The following GLCE variants were observed in gnomAD, a reference collection of about 807,000 sequenced individuals.
GLCE encodes the protein glucuronic acid epimerase, also known as D-glucuronyl C5-epimerase.
A neutral mutation model predicts 47.9 loss-of-function variants in GLCE; 19 were observed. That is an observed-to-expected ratio of 0.40 (90% CI 0.28 to 0.58). The LOEUF is 0.58. Ranked by LOEUF, GLCE falls within the 20% of genes least tolerant of loss-of-function variation. GLCE has a pLI of 0.48. For synonymous variants in GLCE, 245 were observed against 263.4 expected (o/e 0.93, Z 0.68); for missense variants, 556 against 743.3 (o/e 0.75, Z 2.93).
chr15:69,241,751 T>C (rs1391981488), intron 2 of GLCE, among the ~76,000 whole-genome samples: 2 of 152,222 alleles, frequency 1.3e-5, no homozygotes, highest in South Asian at 4.1e-4. Context: ...CTAGATTTAG[T>C]AAATCAGAAA....
intron 2 of GLCE, among the ~76,000 whole-genome samples, chr15:69,237,166 A>G (rs893939789): frequency 6.6e-6 from 1 of 152,190 alleles, no homozygotes; most frequent in African/African-American, 2.4e-5. Flanking sequence ...TTATTCTACC[A>G]GATTATCCTT....
intron 2 of GLCE, among the ~76,000 whole-genome samples, chr15:69,215,596 C>A (rs1443534611): frequency 6.6e-6 from 1 of 151,600 alleles, no homozygotes; most frequent in Non-Finnish European, 1.5e-5. Flanking sequence ...GTTTTCATTT[C>A]ACTTGAGTGA....
intron 2 of GLCE, among the ~76,000 whole-genome samples, chr15:69,231,018 C>T (rs2052513950): frequency 6.6e-6 from 1 of 152,092 alleles, no homozygotes; most frequent in South Asian, 2.1e-4. Context: ...TCTGTGTAAT[C>T]CATCAAGTAG....
intron 2 of GLCE, among the ~76,000 whole-genome samples, chr15:69,223,602 A>G (rs191231306): frequency 1.3e-5 from 2 of 152,204 alleles, no homozygotes; most frequent in Admixed American, 1.3e-4. Context: ...TGGGATGTTT[A>G]TACTCGTGTC....
intron 1 of GLCE, chr15:69,197,147 C>A: frequency 2.6e-6 from 1 of 384,750 alleles, no homozygotes; most frequent in Non-Finnish European, 5.2e-6. Flanking sequence ...AGTCCTTCGG[C>A]ACAACAATGC....
intron 1 of GLCE, among the ~76,000 whole-genome samples, chr15:69,169,646 T>C (rs2140327596): frequency 6.6e-6 from 1 of 151,742 alleles, no homozygotes; most frequent in Non-Finnish European, 1.5e-5. Context: ...ATGTGGTGTT[T>C]GGTTTTTTGT....
intron 2 of GLCE, among the ~76,000 whole-genome samples, 181 bp downstream of exon 2, chr15:69,210,587 G>A (rs890801993): frequency 6.6e-6 from 1 of 151,934 alleles, no homozygotes; most frequent in Non-Finnish European, 1.5e-5. Flanking sequence ...AAATTTCCCA[G>A]TCTAATCTGA....
intron 2 of GLCE, among the ~76,000 whole-genome samples, chr15:69,223,018 G>A (rs78161332): frequency 0.017 from 2,553 of 152,236 alleles, 69 homozygotes; most frequent in South Asian, 0.12. Flanking sequence ...AGTTGTTGGT[G>A]TCACAAATTA....
chr15:69,220,681 A>G (rs1209825981), intron 2 of GLCE, among the ~76,000 whole-genome samples: 2 of 152,142 alleles, frequency 1.3e-5, no homozygotes, highest in African/African-American at 4.8e-5. Context: ...CTGGATATTA[A>G]TCCCTTATCA....
intron 1 of GLCE, among the ~76,000 whole-genome samples, chr15:69,203,338 G>A (rs979977610): frequency 1.2e-4 from 18 of 152,084 alleles, no homozygotes; most frequent in African/African-American, 4.3e-4. Flanking sequence ...CACACGCAAT[G>A]CTACAGAGAG....
At chr15:69,231,990 A>G (rs886669406) in intron 2 of GLCE, among the ~76,000 whole-genome samples, 25 of 151,838 alleles carry the variant, frequency 1.6e-4, no homozygotes, top group Non-Finnish European at 3.1e-4. Context: ...ACAGGGTTTC[A>G]CCATATTGGC....
intron 2 of GLCE, among the ~76,000 whole-genome samples, chr15:69,246,219 G>C (rs1196952708): frequency 3.3e-5 from 5 of 152,112 alleles, no homozygotes; most frequent in Admixed American, 3.3e-4. Context: ...ACCCCTCAAA[G>C]TCATCCATGA....
chr15:69,169,203 A>T (rs2051548818), intron 1 of GLCE, among the ~76,000 whole-genome samples: 1 of 152,146 alleles, frequency 6.6e-6, no homozygotes, highest in Non-Finnish European at 1.5e-5. Context: ...GTATTATTTC[A>T]TTATACGAGT....
At chr15:69,175,153 T>C (rs1438356246) in intron 1 of GLCE, among the ~76,000 whole-genome samples, 1 of 152,184 alleles carries the variant, frequency 6.6e-6, no homozygotes, top group Non-Finnish European at 1.5e-5. Flanking sequence ...CTACTTTTTT[T>C]CTTTAGCAAT....
At chr15:69,178,841 CA>C (rs1443817425) in intron 1 of GLCE, among the ~76,000 whole-genome samples, 2 of 151,630 alleles carry the variant, frequency 1.3e-5, no homozygotes, top group East Asian at 1.9e-4. Context: ...ATTATATTGT[CA>C]AAAAACATAT....
At chr15:69,189,755 C>G (rs922628975) in intron 1 of GLCE, among the ~76,000 whole-genome samples, 1 of 152,098 alleles carries the variant, frequency 6.6e-6, no homozygotes. Flanking sequence ...CTTCTGTGTA[C>G]TTCCCTTCAG....
intron 1 of GLCE, among the ~76,000 whole-genome samples, chr15:69,179,638 CATATAGTTTT>C (rs2051722857): frequency 6.6e-6 from 1 of 152,120 alleles, no homozygotes; most frequent in Non-Finnish European, 1.5e-5. Context: ...CCTTAAAGAG[CATATAGTTTT>C]ATAGGGGAGA....
rs186906878 is a variant in GLCE, at chr15:69,180,687, G to A, written c.-105+19930G>A. 2.4e-4 allele frequency among the ~76,000 whole-genome samples: 36 copies of A among 152,312 alleles called. No individual in the cohort carries two copies. The East Asian group carries it at 6.7e-3, about 29-fold the overall frequency. On this transcript the variant is annotated intron_variant, in intron 1 of 4. Coordinates refer to ENST00000261858, the MANE Select transcript of GLCE (RefSeq NM_015554.3). ...GTCATTGGAGTTGAGTAAAGGACTG[G>A]GTAATATAGGATGAAGTCAGAAAGG...
intron 2 of GLCE, among the ~76,000 whole-genome samples, chr15:69,230,907 T>C (rs1204377222): frequency 6.6e-6 from 1 of 152,190 alleles, no homozygotes; most frequent in Non-Finnish European, 1.5e-5. Context: ...GTGGGGATCT[T>C]TTCCTTGCAT....
Sources: gnomAD v4.1 joint callset for allele counts (sites outside exome capture counted in the v4.1 genomes callset) on GRCh38, gnomAD v4.1.1 for gene constraint, MANE v1.5 for transcripts, NCBI Gene and HGNC (gene_info 2026-07-23, HGNC 2026-07-21) for gene names.